NUP98: variants seen among roughly 807,000 people sequenced by gnomAD.
NUP98 encodes nuclear pore complex protein Nup98-Nup96.
NUP98 carries 26 observed loss-of-function variants against 191.9 expected under a neutral mutation model. The ratio of observed to expected loss-of-function variants is 0.14; its 90% CI spans 0.10 to 0.19. The LOEUF (loss-of-function observed/expected upper bound fraction) is 0.19, where lower values mean the gene tolerates loss of function less well. NUP98 is among the 10% of genes least tolerant of loss of function. NUP98 has a pLI of 1.00. For missense variants in NUP98, 1,941 were observed against 2,178.8 expected (o/e 0.89, Z 2.17); for synonymous variants, 808 against 778.4 (o/e 1.04, Z -0.63).
Position 3,775,840 on chromosome 11 carries a change from G to A in NUP98, c.495+42C>T, listed in dbSNP as rs1184373915. On this transcript the variant is annotated intron_variant, in intron 5 of 32. Transcript: ENST00000324932. ...ATTCATCCTGCAAAGAAATATACAT[G>A]CGGGAAAAAACATTCCACAAAGATT... 4 of 1,586,848 alleles carry A rather than the reference G, an allele frequency of 2.5e-6. No individual in the cohort carries two copies. The Admixed American group carries it at 5.2e-5, about 21-fold the overall frequency.
intron 1 of NUP98, among the ~76,000 whole-genome samples, chr11:3,792,364 C>CT (rs1388425636): frequency 1.3e-5 from 2 of 152,082 alleles, no homozygotes; most frequent in Non-Finnish European, 2.9e-5. Context: ...AATGCCAGCT[C>CT]TTTAGGAGGC....
At chr11:3,693,400 T>C (rs1427279098) in intron 26 of NUP98, 25 bp from the exon 27 acceptor site, 1 of 1,613,202 alleles carries the variant, frequency 6.2e-7, no homozygotes, top group Non-Finnish European at 8.5e-7. Flanking sequence ...ATCATCACCA[T>C]GGCTATATTC....
intron 22 of NUP98, among the ~76,000 whole-genome samples, chr11:3,704,410 A>G (rs1343274057): frequency 6.6e-6 from 1 of 152,236 alleles, no homozygotes; most frequent in Admixed American, 6.5e-5. Context: ...ATATGTAATC[A>G]CTTCCCTGGG....
At chr11:3,712,867 A>G in intron 19 of NUP98, 139 bp from the exon 20 acceptor site, 1 of 765,310 alleles carries the variant, frequency 1.3e-6, no homozygotes. Flanking sequence ...AAAATATATC[A>G]CCTATCACAC....
In NUP98 at chr11:3,775,959, A is replaced by G; in HGVS notation, c.418T>C (p.Phe140Leu). 6.2e-7 allele frequency: 1 copy of G among 1,613,642 alleles called. No individual in the cohort carries two copies. The highest frequency in any genetic ancestry group is 8.5e-7 in the Non-Finnish European group (1 of 1,179,596). Residue 140 changes from phenylalanine to leucine, a missense_variant, in exon 5 of 33, where the codon TTT (phenylalanine) becomes CTT (leucine). Coordinates refer to ENST00000324932, the MANE Select transcript of NUP98 (RefSeq NM_016320.5). ...AAGAGGGAGCCAGATGTGCTGCCAA[A>G]AGGATTAGAGGTGGTATTTGTGGTT... ...FGTTNTTSNP[F>L]GSTSGSLFGP...
At chr11:3,781,933 T>C (rs2081983847) in intron 2 of NUP98, 109 bp downstream of exon 2, 11 of 604,682 alleles carry the variant, frequency 1.8e-5, no homozygotes, top group Non-Finnish European at 2.8e-5. Context: ...GACTTTGTTA[T>C]AAATATGAAA....
intron 8 of NUP98, among the ~76,000 whole-genome samples, chr11:3,766,847 A>C (rs1426071471): frequency 6.6e-6 from 1 of 152,186 alleles, no homozygotes; most frequent in East Asian, 1.9e-4. Context: ...AAAGGTGATC[A>C]TGTGGTTTTC....
intron 2 of NUP98, among the ~76,000 whole-genome samples, chr11:3,781,046 CGTG>C (rs1482374356): frequency 2.0e-5 from 3 of 151,776 alleles, no homozygotes; most frequent in Non-Finnish European, 4.4e-5. Flanking sequence ...ATGAGCCAGG[CGTG>C]GTGGTGTGCA....
chr11:3,718,040 C>T (rs918197618), intron 18 of NUP98, among the ~76,000 whole-genome samples: 8 of 152,096 alleles, frequency 5.3e-5, no homozygotes, highest in African/African-American at 1.9e-4. Flanking sequence ...GTTTTCTTTC[C>T]TTGCAGTGTC....
At position 3,713,909 on chromosome 11, in the gene NUP98, A is replaced by G. The variant is rs1290811592; in HGVS notation, c.2486T>C (p.Ile829Thr). The G allele has an allele frequency of 1.9e-6, 3 of 1,614,146 alleles. No individual in the cohort carries two copies. The highest frequency in any genetic ancestry group is 2.2e-5 in the East Asian group (1 of 44,882). Residue 829 changes from isoleucine to threonine, a missense_variant, in exon 19 of 33, where the codon ATC becomes ACC. Coordinates refer to ENST00000324932, the MANE Select transcript of NUP98 (RefSeq NM_016320.5). ...LIKSPDRLAD[I>T]NYEGRLEAVS... ...TGCTTCCAATCTTCCTTCATAGTTG[A>G]TATCAGCAAGGCGATCTGGGCTCTT...
chr11:3,725,377 G>A (rs912511755), intron 14 of NUP98, among the ~76,000 whole-genome samples, 158 bp from the exon 15 acceptor site: 1 of 152,144 alleles, frequency 6.6e-6, no homozygotes, highest in South Asian at 2.1e-4. Context: ...ACGCTTCCTA[G>A]GATTGTATAG....
At chr11:3,725,256 A>G (rs934728380) in intron 14 of NUP98, 37 bp from the exon 15 acceptor site, 3 of 948,282 alleles carry the variant, frequency 3.2e-6, no homozygotes, top group African/African-American at 1.6e-5. Flanking sequence ...GAAAAAAATT[A>G]CTCAGGCATA....
At chr11:3,783,626 G>A (rs2082048237) in intron 1 of NUP98, among the ~76,000 whole-genome samples, 1 of 152,160 alleles carries the variant, frequency 6.6e-6, no homozygotes, top group Non-Finnish European at 1.5e-5. Flanking sequence ...TTGAACCTGG[G>A]AGGCAGAGGT....
intron 14 of NUP98, among the ~76,000 whole-genome samples, chr11:3,729,543 CAAAAAAAAAAAA>C (rs36045405): frequency 9.0e-5 from 5 of 55,750 alleles, no homozygotes; most frequent in African/African-American, 3.0e-4. Flanking sequence ...CCTGTATCTC[CAAAAAAAAAAAA>C]AAAAAAAAAA....
intron 23 of NUP98, among the ~76,000 whole-genome samples, chr11:3,701,362 GGC>G (rs2078672480): frequency 6.6e-6 from 1 of 150,856 alleles, no homozygotes; most frequent in African/African-American, 2.4e-5. Context: ...TGGGTTCAAG[GGC>G]GATTCTCCTG....
intron 20 of NUP98, chr11:3,712,311 A>G: frequency 7.8e-7 from 1 of 1,282,890 alleles, no homozygotes; most frequent in Non-Finnish European, 9.8e-7. Context: ...AATGAGAGAG[A>G]ACAAAGGGTT....
chr11:3,678,405 A>G (rs1490420667), intron 31 of NUP98, among the ~76,000 whole-genome samples: 2 of 152,210 alleles, frequency 1.3e-5, no homozygotes, highest in African/African-American at 4.8e-5. Context: ...CTGTAACCGT[A>G]AAAGACCTTC....
At chr11:3,753,906 T>C (rs1247559038) in intron 10 of NUP98, among the ~76,000 whole-genome samples, 1 of 149,272 alleles carries the variant, frequency 6.7e-6, no homozygotes, top group African/African-American at 2.5e-5. Flanking sequence ...GCCACTGCAC[T>C]CCAGCCTGGG....
chr11:3,686,942 A>T lies in NUP98; in HGVS notation c.4455-748T>A, dbSNP rs111229273. Among the ~76,000 whole-genome samples the T allele has an allele frequency of 4.5e-3, 687 of 152,268 alleles. 7 individuals are homozygous for T. Among genetic ancestry groups the T allele is most frequent in the African/African-American group, 0.016 (649 of 41,560 alleles). ...GCGGAGGTTGTGGTGAGGTGAGATC[A>T]TACCACTGCACTCTGACAGGGTGAG... is the stretch of plus-strand genomic sequence containing the variant. On this transcript the variant is annotated intron_variant, in intron 28 of 32. Transcript: ENST00000324932.
Sources: gnomAD v4.1 joint callset for allele counts (sites outside exome capture counted in the v4.1 genomes callset) on GRCh38, gnomAD v4.1.1 for gene constraint, MANE v1.5 for transcripts, NCBI Gene and HGNC (gene_info 2026-07-23, HGNC 2026-07-21) for gene names.